SKAP1: variants seen among roughly 807,000 people sequenced by gnomAD.
The protein encoded by SKAP1 is src kinase-associated phosphoprotein 1.
A neutral mutation model predicts 58.5 loss-of-function variants in SKAP1; 44 were observed. That is an observed-to-expected ratio of 0.75 (90% confidence interval 0.59 to 0.97). SKAP1 has a LOEUF of 0.97. Among genes scored for constraint, SKAP1 ranks in the 50% least tolerant of loss-of-function variants. The pLI, the probability that SKAP1 is intolerant of heterozygous loss-of-function variation, is 0.00. For synonymous variants in SKAP1, 127 were observed against 149.7 expected, an observed-to-expected ratio of 0.85 and a Z score of 1.11; for missense variants, 390 against 435.2, an observed-to-expected ratio of 0.90 and a Z score of 0.92.
chr17:48,232,376 C>A (rs1384970618), intron 4 of SKAP1, among the ~76,000 whole-genome samples: 1 of 152,154 alleles, frequency 6.6e-6, no homozygotes, highest in Non-Finnish European at 1.5e-5. Context: ...AGGTGGGTAC[C>A]TTTTTATGTA....
At chr17:48,241,120 T>C (rs1233378440) in intron 4 of SKAP1, among the ~76,000 whole-genome samples, 3 of 152,112 alleles carry the variant, frequency 2.0e-5, no homozygotes, top group Non-Finnish European at 4.4e-5. Context: ...TCCAAGATCA[T>C]AAGGGACCTT....
chr17:48,143,122 CCT>C (rs2063788566), intron 11 of SKAP1, among the ~76,000 whole-genome samples: 2 of 151,282 alleles, frequency 1.3e-5, no homozygotes, highest in Admixed American at 6.6e-5. Flanking sequence ...TCATTTCCTC[CCT>C]CTCCCAGGCC....
At chr17:48,292,296 T>C (rs531948433) in intron 4 of SKAP1, among the ~76,000 whole-genome samples, 1 of 152,234 alleles carries the variant, frequency 6.6e-6, no homozygotes, top group Admixed American at 6.5e-5. Context: ...GTCAATCGTT[T>C]AGTCATTGAT....
chr17:48,276,961 A>T (rs2065708642), intron 4 of SKAP1, among the ~76,000 whole-genome samples: 1 of 152,220 alleles, frequency 6.6e-6, no homozygotes, highest in South Asian at 2.1e-4. Context: ...GACACAGGAG[A>T]TGACCTCCAA....
intron 3 of SKAP1, among the ~76,000 whole-genome samples, chr17:48,350,644 C>G (rs918511066): frequency 1.3e-5 from 2 of 152,042 alleles, no homozygotes; most frequent in African/African-American, 4.8e-5. Flanking sequence ...TGCGGTGAGC[C>G]GAGATTGTGC....
chr17:48,158,567 C>CAAAAAAAAAAAAAAAAA (rs1171183021), intron 11 of SKAP1, among the ~76,000 whole-genome samples: 3 of 61,508 alleles, frequency 4.9e-5, no homozygotes, highest in East Asian at 5.4e-4. Context: ...GACTCTGTCT[C>CAAAAAAAAAAAAAAAAA]AAAAAAAAAA....
At chr17:48,171,093 G>GTT (rs71141969) in intron 9 of SKAP1, among the ~76,000 whole-genome samples, 19,850 of 70,260 alleles carry the variant, frequency 0.28, 4,503 homozygotes, top group East Asian at 0.65. Flanking sequence ...AATTACTGTT[G>GTT]TTTTTTTTTT....
intron 4 of SKAP1, among the ~76,000 whole-genome samples, chr17:48,311,599 T>C (rs2144179364): frequency 6.6e-6 from 1 of 152,300 alleles, no homozygotes; most frequent in Admixed American, 6.5e-5. Context: ...TCCTTGAACT[T>C]CTAAATTTTA....
intron 4 of SKAP1, among the ~76,000 whole-genome samples, chr17:48,205,346 A>G (rs899809966): frequency 6.6e-6 from 1 of 151,982 alleles, no homozygotes; most frequent in Non-Finnish European, 1.5e-5. Flanking sequence ...CCTGGGCTCA[A>G]GCAATTCACG....
chr17:48,252,291 T>C (rs1241039579), intron 4 of SKAP1, among the ~76,000 whole-genome samples: 1 of 152,184 alleles, frequency 6.6e-6, no homozygotes, highest in Non-Finnish European at 1.5e-5. Flanking sequence ...ATGAGTGTTA[T>C]AGGACAGGAA....
At chr17:48,403,450 A>AGT (rs151330634) in intron 1 of SKAP1, among the ~76,000 whole-genome samples, 51 of 151,200 alleles carry the variant, frequency 3.4e-4, no homozygotes, top group East Asian at 1.9e-3. Flanking sequence ...TATATGTATC[A>AGT]GTGTGTGTGT....
intron 6 of SKAP1, among the ~76,000 whole-genome samples, chr17:48,187,463 G>A: frequency 6.6e-6 from 1 of 152,186 alleles, no homozygotes; most frequent in East Asian, 1.9e-4. Flanking sequence ...CATTGTTTAA[G>A]TTCTTTAAGT....
chr17:48,340,560 A>G (rs561929986), intron 4 of SKAP1, among the ~76,000 whole-genome samples: 2 of 152,214 alleles, frequency 1.3e-5, no homozygotes, highest in Non-Finnish European at 2.9e-5. Context: ...TTACAGCTAC[A>G]AAGGAAGTCT....
intron 1 of SKAP1, among the ~76,000 whole-genome samples, chr17:48,415,401 T>A (rs1417917393): frequency 6.6e-6 from 1 of 152,188 alleles, no homozygotes; most frequent in Non-Finnish European, 1.5e-5. Flanking sequence ...TGTGAATGCT[T>A]GTCCTCACTG....
At chr17:48,154,244 T>C (rs2063942179) in intron 11 of SKAP1, among the ~76,000 whole-genome samples, 1 of 152,232 alleles carries the variant, frequency 6.6e-6, no homozygotes, top group Non-Finnish European at 1.5e-5. Flanking sequence ...CAGGATCTCA[T>C]CTGAGTTTAA....
chr17:48,318,381 G>A (rs2066316888), intron 4 of SKAP1, among the ~76,000 whole-genome samples: 2 of 152,136 alleles, frequency 1.3e-5, no homozygotes, highest in South Asian at 4.1e-4. Flanking sequence ...CACGCTGGGT[G>A]GCCCACTTAA....
chr17:48,237,427 C>G (rs1188658618), intron 4 of SKAP1, among the ~76,000 whole-genome samples: 1 of 152,196 alleles, frequency 6.6e-6, no homozygotes, highest in Non-Finnish European at 1.5e-5. Context: ...TCCCATGATA[C>G]TGTTCCAAAC....
chr17:48,164,079 A>G (rs932744836), intron 10 of SKAP1, among the ~76,000 whole-genome samples: 4 of 152,232 alleles, frequency 2.6e-5, no homozygotes, highest in African/African-American at 9.6e-5. Context: ...TGGAAGAAAA[A>G]TACTTTGGGA....
At chr17:48,162,622 T>G in intron 10 of SKAP1, 53 bp from the exon 11 acceptor site, 19 of 1,413,470 alleles carry the variant, frequency 1.3e-5, no homozygotes, top group Non-Finnish European at 1.7e-5. Flanking sequence ...TTTTCCGAGG[T>G]ACCCATGTTT....
Sources: gnomAD v4.1 joint callset for allele counts (sites outside exome capture counted in the v4.1 genomes callset) on GRCh38, gnomAD v4.1.1 for gene constraint, MANE v1.5 for transcripts, NCBI Gene and HGNC (gene_info 2026-07-23, HGNC 2026-07-21) for gene names.